The following GPC3 variants were observed in gnomAD, a reference collection of about 807,000 sequenced individuals.
The protein encoded by GPC3 is glypican-3.
A neutral mutation model predicts 34.4 loss-of-function variants in GPC3; 3 were observed. That is an observed-to-expected ratio of 0.09 (90% confidence interval 0.04 to 0.23). The LOEUF is 0.23. Among genes scored for constraint, GPC3 ranks in the 10% least tolerant of loss-of-function variants. The probability of loss-of-function intolerance (pLI) is 1.00; values close to 1 mark genes in which losing one functional copy is unlikely to be tolerated. For missense variants in GPC3, 351 were observed against 445.6 expected, an observed-to-expected ratio of 0.79 and a Z score of 1.91; for synonymous variants, 177 against 174.0, an observed-to-expected ratio of 1.02 and a Z score of -0.13.
At chrX:133,614,983 C>T (rs1220982481) in intron 6 of GPC3, among the ~76,000 whole-genome samples, 1 of 111,648 alleles carries the variant, frequency 9.0e-6, no homozygotes, top group Non-Finnish European at 1.9e-5. Context: ...ACACAAACTA[C>T]TAAAACTGAC....
chrX:133,762,660 T>G (rs1013102124), intron 2 of GPC3: 3 of 290,622 alleles, frequency 1.0e-5, no homozygotes, highest in Non-Finnish European at 1.8e-5. Context: ...AAAACTTCGA[T>G]GAGATACCAT....
Position 133,612,063 on chromosome X carries a change from T to C in GPC3, c.1414-15464A>G, listed in dbSNP as rs192979336. On this transcript the variant is annotated intron_variant, in intron 6 of 7. Coordinates refer to ENST00000370818, the MANE Select transcript of GPC3 (RefSeq NM_004484.4). ...CCTTAATTAATGCAAAGGAAATACA[T>C]AACTTCCCTAACAAGTAATATAAAA... Among the ~76,000 whole-genome samples, 9 of 112,063 alleles carry C rather than the reference T, an allele frequency of 8.0e-5. No homozygotes were observed. In the Admixed American group the frequency reaches 8.5e-4, roughly 11 times the overall value.
chrX:133,839,927 CA>C (rs138981758), intron 2 of GPC3, among the ~76,000 whole-genome samples: 114 of 50,085 alleles, frequency 2.3e-3, no homozygotes, highest in East Asian at 4.4e-3. Flanking sequence ...GACTCCGTTT[CA>C]AAAAAAAAAA....
Position 133,766,689 on chromosome X carries a change from C to T in GPC3, c.338-12513G>A, listed in dbSNP as rs147839181. On this transcript the variant is annotated intron_variant, in intron 2 of 7. Coordinates refer to ENST00000370818, the MANE Select transcript of GPC3 (RefSeq NM_004484.4). ...AACATTATTATCCCAATTTCACAGA[C>T]GAGGTAACCGAAACTAAGACTGGCT... Among the ~76,000 whole-genome samples, 526 of 112,124 alleles carry T rather than the reference C, an allele frequency of 4.7e-3. 3 individuals carry two copies. The highest frequency in any genetic ancestry group is 0.016 in the African/African-American group (495 of 30,905).
intron 5 of GPC3, among the ~76,000 whole-genome samples, chrX:133,666,280 G>A (rs1188185229): frequency 4.5e-5 from 5 of 111,912 alleles, no homozygotes; most frequent in Non-Finnish European, 9.4e-5. Context: ...ATTTTTAAAA[G>A]ACAGTTTTGG....
chrX:133,878,565 C>A (rs1012034053), intron 2 of GPC3, among the ~76,000 whole-genome samples: 1 of 112,423 alleles, frequency 8.9e-6, no homozygotes, highest in Non-Finnish European at 1.9e-5. Flanking sequence ...TAGTTTGATT[C>A]TTTTGGCCTT....
intron 2 of GPC3, among the ~76,000 whole-genome samples, chrX:133,830,690 A>AG (rs1411170822): frequency 1.9e-5 from 2 of 107,019 alleles, no homozygotes; most frequent in Non-Finnish European, 3.8e-5. Flanking sequence ...AAAAAAAAAA[A>AG]AAAAAAAAAA....
intron 2 of GPC3, among the ~76,000 whole-genome samples, chrX:133,821,843 T>C (rs2075720382): frequency 8.9e-6 from 1 of 112,094 alleles, no homozygotes; most frequent in African/African-American, 3.2e-5. Flanking sequence ...ATCCTATAAT[T>C]GTCACTCACA....
chrX:133,576,561 A>G, intron 7 of GPC3, among the ~76,000 whole-genome samples: 1 of 111,029 alleles, frequency 9.0e-6, no homozygotes, highest in Non-Finnish European at 1.9e-5. Flanking sequence ...CTTAATATCA[A>G]TTGACTTTGG....
intron 2 of GPC3, among the ~76,000 whole-genome samples, chrX:133,798,785 G>T (rs1448929486): frequency 8.9e-6 from 1 of 111,905 alleles, no homozygotes; most frequent in Admixed American, 9.5e-5. Context: ...AAGCTATTAA[G>T]CCCCATCAAC....
chrX:133,893,010 C>G (rs1251868159), intron 2 of GPC3, among the ~76,000 whole-genome samples: 1 of 111,683 alleles, frequency 9.0e-6, no homozygotes, highest in Non-Finnish European at 1.9e-5. Flanking sequence ...AATCCCAGAA[C>G]TTTGGGAGGC....
At chrX:133,583,007 A>G (rs186013755) in intron 7 of GPC3, among the ~76,000 whole-genome samples, 51 of 111,730 alleles carry the variant, frequency 4.6e-4, no homozygotes, top group Admixed American at 1.7e-3. Flanking sequence ...GAGGCTGTGA[A>G]TGACAGAAGA....
chrX:133,703,816 C>T (rs758577240), intron 3 of GPC3, among the ~76,000 whole-genome samples: 6 of 111,640 alleles, frequency 5.4e-5, no homozygotes, highest in African/African-American at 2.0e-4. Flanking sequence ...CCAGAAGCAC[C>T]GTCCTTGTAC....
intron 3 of GPC3, among the ~76,000 whole-genome samples, chrX:133,750,576 T>C (rs2071656416): frequency 8.9e-6 from 1 of 112,417 alleles, no homozygotes; most frequent in African/African-American, 3.2e-5. Context: ...CAGTTACACG[T>C]CTGTCTACCA....
rs946873787 is a variant in GPC3 at position 133,615,126 on chromosome X, A to T, written c.1414-18527T>A. ...AAATACTACCAAATGGTAAACTATA[A>T]TTAACACCAATCCTCCACAAAATTT... is the stretch of plus-strand genomic sequence containing the variant. On this transcript the variant is annotated intron_variant, in intron 6 of 7. Coordinates refer to ENST00000370818, the MANE Select transcript of GPC3 (RefSeq NM_004484.4). Among the ~76,000 whole-genome samples the T allele has an allele frequency of 2.7e-5, 3 of 112,188 alleles. No homozygotes were observed. In the East Asian group the frequency reaches 8.4e-4, roughly 31 times the overall value.
intron 2 of GPC3, among the ~76,000 whole-genome samples, chrX:133,901,269 C>A (rs1377638734): frequency 9.1e-6 from 1 of 110,400 alleles, no homozygotes; most frequent in Admixed American, 9.6e-5. Context: ...AATTTTTATA[C>A]CAAATATTTA....
chrX:133,613,834 G>C (rs1045874383), intron 6 of GPC3, among the ~76,000 whole-genome samples: 8 of 111,925 alleles, frequency 7.1e-5, no homozygotes, highest in Middle Eastern at 4.2e-3. Flanking sequence ...ACATTCAAAG[G>C]ACTAAAAGAA....
rs181556030 is a variant in GPC3, at chrX:133,665,222, T to C, written c.1293-3372A>G. ...CAAGTTATGAAGTACAAAGAATAATTAACATTACCATATTTTTGTACAGCA... is the reference window on the plus strand; with the variant it reads ...CAAGTTATGAAGTACAAAGAATAATCAACATTACCATATTTTTGTACAGCA... On this transcript the variant is annotated intron_variant, in intron 5 of 7. Transcript: ENST00000370818. 3.2e-3 allele frequency among the ~76,000 whole-genome samples: 355 copies of C among 112,278 alleles called. 1 individual carries two copies. The highest frequency in any genetic ancestry group is 0.011 in the African/African-American group (347 of 30,952).
intron 4 of GPC3, among the ~76,000 whole-genome samples, chrX:133,697,804 A>G (rs2071130820): frequency 8.9e-6 from 1 of 112,224 alleles, no homozygotes; most frequent in Admixed American, 9.5e-5. Flanking sequence ...TGTTTTGTTC[A>G]GAGTGGGTGG....
Sources: allele counts gnomAD v4.1 joint callset (sites outside exome capture counted in the v4.1 genomes callset), GRCh38; gene constraint gnomAD v4.1.1; transcripts MANE v1.5; gene names NCBI Gene and HGNC (gene_info 2026-07-23, HGNC 2026-07-21).